The following NAA30 variants were observed in gnomAD, a reference collection of about 807,000 sequenced individuals.
The protein encoded by NAA30 is N-alpha-acetyltransferase 30, NatC catalytic subunit.
A neutral mutation model predicts 31.4 loss-of-function variants in NAA30; 5 were observed. The ratio of observed to expected loss-of-function variants is 0.16; its 90% CI spans 0.08 to 0.33. The LOEUF is 0.33. Ranked by LOEUF, NAA30 falls within the 10% of genes least tolerant of loss-of-function variation. The pLI is 1.00. For missense variants in NAA30, 428 were observed against 490.8 expected (o/e 0.87, Z 1.21); for synonymous variants, 222 against 207.1 (o/e 1.07, Z -0.62).
At position 57,410,172 on chromosome 14, in the gene NAA30, A is replaced by G. The variant is rs1307066678; in HGVS notation, c.*656A>G. 2.0e-5 allele frequency: 3 copies of G among 152,596 alleles called. No individual in the cohort carries two copies. The highest frequency in any genetic ancestry group is 4.4e-5 in the Non-Finnish European group (3 of 68,018). 9.5% of individuals were successfully genotyped at this position (152,596 alleles called of 1,614,324 possible). On this transcript the variant is annotated 3_prime_UTR_variant, in exon 5 of 5. Transcript: ENST00000556492. ...TTTCCTTTTCTTTAAGGCCTTTGCAAGCAAACTTTTGTTTTTATTTAAATT... is the reference window on the plus strand; with the variant it reads ...TTTCCTTTTCTTTAAGGCCTTTGCAGGCAAACTTTTGTTTTTATTTAAATT...
Position 57,409,626 on chromosome 14 carries a change from T to G in NAA30, c.*110T>G. On this transcript the variant is annotated 3_prime_UTR_variant, in exon 5 of 5. Coordinates refer to ENST00000556492, the MANE Select transcript of NAA30 (RefSeq NM_001011713.3). ...GGATTTAGTAATTTCCATGCAGCTC[T>G]TACCTGTCAGTGTCTCATTGAGTGT... The G allele has an allele frequency of 1.0e-5, 11 of 1,083,826 alleles. No homozygotes were observed. Among genetic ancestry groups the G allele is most frequent in the Non-Finnish European group, 1.3e-5 (10 of 783,618 alleles). The allele number at this position is 1,083,826 out of a possible 1,614,324, so 67.1% of individuals were successfully genotyped here.
At chr14:57,398,993 C>T (rs1020041746) in intron 3 of NAA30, among the ~76,000 whole-genome samples, 3 of 151,638 alleles carry the variant, frequency 2.0e-5, no homozygotes, top group African/African-American at 4.9e-5. Context: ...CTCCAAAATG[C>T]TGGGATTACA....
At chr14:57,394,326 G>C (rs957531480) in intron 2 of NAA30, among the ~76,000 whole-genome samples, 6 of 152,010 alleles carry the variant, frequency 3.9e-5, no homozygotes, top group South Asian at 2.1e-4. Context: ...TAGTGTTCTA[G>C]AATTTGGGAA....
intron 4 of NAA30, among the ~76,000 whole-genome samples, chr14:57,403,973 T>C (rs1200775942): frequency 6.6e-6 from 1 of 152,200 alleles, no homozygotes; most frequent in Non-Finnish European, 1.5e-5. Flanking sequence ...AATCTTAATC[T>C]CTGAAAACTT....
At chr14:57,398,636 T>A (rs952498678) in intron 3 of NAA30, among the ~76,000 whole-genome samples, 37 of 64,556 alleles carry the variant, frequency 5.7e-4, no homozygotes, top group Admixed American at 1.1e-3. Context: ...TTATTTTTTT[T>A]ATTATTATTT....
intron 4 of NAA30, among the ~76,000 whole-genome samples, chr14:57,400,541 A>G (rs1302545782): frequency 6.6e-6 from 1 of 152,252 alleles, no homozygotes; most frequent in African/African-American, 2.4e-5. Context: ...TGTCTTTAAC[A>G]TAGCAGTGGT....
At chr14:57,398,055 C>T (rs1040689279) in intron 3 of NAA30, among the ~76,000 whole-genome samples, 1 of 152,150 alleles carries the variant, frequency 6.6e-6, no homozygotes, top group Non-Finnish European at 1.5e-5. Flanking sequence ...AGTTTAATAC[C>T]TGTACCAGTA....
chr14:57,402,959 T>TAA (rs1332776478), intron 4 of NAA30, among the ~76,000 whole-genome samples: 1 of 152,228 alleles, frequency 6.6e-6, no homozygotes, highest in Non-Finnish European at 1.5e-5. Flanking sequence ...GGCTGGCGGA[T>TAA]CACTTGAGGT....
intron 4 of NAA30, among the ~76,000 whole-genome samples, chr14:57,400,170 A>G (rs1017040810): frequency 6.6e-6 from 1 of 152,216 alleles, no homozygotes; most frequent in Non-Finnish European, 1.5e-5. Flanking sequence ...GGTAGCTCTT[A>G]TTACAGACTC....
chr14:57,397,567 T>G (rs1036557776), intron 3 of NAA30, among the ~76,000 whole-genome samples: 9 of 152,188 alleles, frequency 5.9e-5, no homozygotes, highest in Admixed American at 2.0e-4. Flanking sequence ...TAAGCCTGAT[T>G]AAGAACCACT....
In NAA30 at chr14:57,411,419, T is replaced by A. The variant is rs1340948980; in HGVS notation, c.*1903T>A. On this transcript the variant is annotated 3_prime_UTR_variant, in exon 5 of 5. Transcript: ENST00000556492. ...ATATGAAGGAAATGGAACTAAAACATTTATGTCATCAAATTTTATTTCACT... is the reference window on the plus strand; with the variant it reads ...ATATGAAGGAAATGGAACTAAAACAATTATGTCATCAAATTTTATTTCACT... The A allele has an allele frequency of 6.6e-6, 1 of 152,170 alleles. No homozygotes were observed. Among genetic ancestry groups the A allele is most frequent in the African/African-American group, 2.4e-5 (1 of 41,458 alleles). 9.4% of individuals were successfully genotyped at this position (152,170 alleles called of 1,614,324 possible). A position where few individuals can be genotyped will look rare whatever the true frequency, so the allele number is the denominator to read the frequency against.
intron 2 of NAA30, among the ~76,000 whole-genome samples, chr14:57,396,461 T>C (rs747821178): frequency 4.6e-5 from 7 of 152,144 alleles, no homozygotes; most frequent in Non-Finnish European, 1.0e-4. Flanking sequence ...TATGTAATCT[T>C]ATAAAGTACT....
At position 57,391,252 on chromosome 14, in the gene NAA30, G is replaced by C; in HGVS notation, c.295G>C (p.Ala99Pro). The change falls in exon 2 of 5, where the codon GCC becomes CCC. Residue 99 changes from alanine to proline, a missense_variant. By Grantham distance (27) the Ala-to-Pro change is conservative (BLOSUM62 -1). Around this residue, in one of 2 missense-constraint regions of NAA30, gnomAD observed 349 missense variants for 310.4 expected, o/e 1.12. Transcript: ENST00000556492. The surrounding 1 kb of genome is among the most constrained non-coding windows in gnomAD (Gnocchi z 4.1). ...SPELRHLRAA[A>P]SLKSKVLSVA... Reference sequence around the variant, plus strand: ...CGAACTGCGGCACCTCCGGGCGGCCGCCTCCCTCAAGAGCAAGGTCCTGAG... The same window carrying C: ...CGAACTGCGGCACCTCCGGGCGGCCCCCTCCCTCAAGAGCAAGGTCCTGAG... 1 of 1,612,116 alleles carries C rather than the reference G, an allele frequency of 6.2e-7. No homozygotes were observed.
chr14:57,396,310 A>G (rs145892070), intron 2 of NAA30, among the ~76,000 whole-genome samples: 1 of 152,364 alleles, frequency 6.6e-6, no homozygotes, highest in African/African-American at 2.4e-5. Context: ...ATTTAAATTT[A>G]CATTCTGCTG....
Position 57,391,477 on chromosome 14 carries a change from G to A in NAA30, c.520G>A (p.Glu174Lys). ...CCGCAATGGACTGGCCGAGGGCACC[G>A]AGCAGGAGGAGGAGGAGGAAGACGA... ...AARNGLAEGT[E>K]QEEEEEDEQV... Residue 174 changes from glutamate to lysine, a missense_variant, in exon 2 of 5, where the codon GAG becomes AAG. Physicochemically the swap from Glu to Lys is moderately conservative, Grantham distance 56 (BLOSUM62 1). Transcript: ENST00000556492. The surrounding 1 kb of genome is among the most constrained non-coding windows in gnomAD (Gnocchi z 4.1). 7 of 1,612,362 alleles carry A rather than the reference G, an allele frequency of 4.3e-6. No individual in the cohort carries two copies. Among genetic ancestry groups the A allele is most frequent in the East Asian group, 2.2e-5 (1 of 44,860 alleles).
chr14:57,400,420 G>A (rs1254233205), intron 4 of NAA30, among the ~76,000 whole-genome samples: 1 of 152,116 alleles, frequency 6.6e-6, no homozygotes, highest in Non-Finnish European at 1.5e-5. Flanking sequence ...CCTACTGCAC[G>A]GTGTTTCTAC....
At chr14:57,401,061 T>G (rs896308376) in intron 4 of NAA30, among the ~76,000 whole-genome samples, 1 of 152,202 alleles carries the variant, frequency 6.6e-6, no homozygotes, top group Non-Finnish European at 1.5e-5. Context: ...CTGTTTGAAA[T>G]GCTTTCTCTC....
chr14:57,403,002 G>A (rs2066483153), intron 4 of NAA30, among the ~76,000 whole-genome samples: 2 of 152,288 alleles, frequency 1.3e-5, no homozygotes, highest in South Asian at 4.1e-4. Flanking sequence ...CCGACATGGT[G>A]AAACCCCGTC....
At chr14:57,405,436 T>TATATAA (rs1179061813) in intron 4 of NAA30, among the ~76,000 whole-genome samples, 1 of 151,188 alleles carries the variant, frequency 6.6e-6, no homozygotes, top group East Asian at 1.9e-4. Flanking sequence ...TATATATATA[T>TATATAA]AAAACATCTT....
Sources: gnomAD v4.1 joint callset for allele counts (sites outside exome capture counted in the v4.1 genomes callset) on GRCh38, gnomAD v4.1.1 for gene constraint, gnomAD v4.1.1 regional missense constraint, Gnocchi (gnomAD v3.1) non-coding constraint, MANE v1.5 for transcripts, NCBI Gene and HGNC (gene_info 2026-07-23, HGNC 2026-07-21) for gene names.